Variants in TMEM117 observed in about 807,000 individuals in gnomAD.
The protein encoded by TMEM117 is transmembrane protein 117.
TMEM117 carries 27 observed loss-of-function variants against 52.4 expected under a neutral mutation model. That is an observed-to-expected ratio of 0.51 (90% CI 0.38 to 0.71). The LOEUF (loss-of-function observed/expected upper bound fraction) is 0.71. Among genes scored for constraint, TMEM117 ranks in the 30% least tolerant of loss-of-function variants. The pLI, the probability that TMEM117 is intolerant of heterozygous loss-of-function variation, is 0.00. For synonymous variants in TMEM117, 215 were observed against 206.3 expected, an observed-to-expected ratio of 1.04 and a Z score of -0.36; for missense variants, 556 against 630.5, an observed-to-expected ratio of 0.88 and a Z score of 1.26.
chr12:44,243,445 A>G (rs1372827120), intron 5 of TMEM117, among the ~76,000 whole-genome samples: 1 of 151,932 alleles, frequency 6.6e-6, no homozygotes, highest in Non-Finnish European at 1.5e-5. Context: ...AATTTTAAAT[A>G]AATAATAACT....
chr12:43,912,559 G>A (rs1161126672), intron 2 of TMEM117, among the ~76,000 whole-genome samples: 1 of 139,706 alleles, frequency 7.2e-6, no homozygotes, highest in Admixed American at 6.9e-5. Flanking sequence ...GCTCCATGTG[G>A]GCAGGGATTT....
At chr12:43,913,987 G>T (rs1565748413) in intron 2 of TMEM117, among the ~76,000 whole-genome samples, 1 of 152,070 alleles carries the variant, frequency 6.6e-6, no homozygotes, top group Non-Finnish European at 1.5e-5. Context: ...ATGTTTTTGG[G>T]ATACCAGGTA....
intron 3 of TMEM117, among the ~76,000 whole-genome samples, chr12:44,053,697 A>C (rs2137932574): frequency 6.6e-6 from 1 of 152,304 alleles, no homozygotes; most frequent in African/African-American, 2.4e-5. Flanking sequence ...GTTTGTATGA[A>C]TAATAAAAGA....
intron 3 of TMEM117, among the ~76,000 whole-genome samples, chr12:44,061,752 G>A (rs1345100909): frequency 3.3e-5 from 5 of 152,072 alleles, no homozygotes; most frequent in Non-Finnish European, 5.9e-5. Context: ...GATTTAATTT[G>A]TCATTGTTGT....
At chr12:44,212,539 T>C (rs1292251623) in intron 5 of TMEM117, among the ~76,000 whole-genome samples, 2 of 152,254 alleles carry the variant, frequency 1.3e-5, no homozygotes, top group Non-Finnish European at 2.9e-5. Context: ...ACATATCGTA[T>C]GCTGAGAAAT....
chr12:43,866,726 T>G (rs535652341), intron 2 of TMEM117, among the ~76,000 whole-genome samples: 1 of 152,338 alleles, frequency 6.6e-6, no homozygotes, highest in South Asian at 2.1e-4. Context: ...CAGGAAAGAA[T>G]GCAGAGCATT....
intron 3 of TMEM117, among the ~76,000 whole-genome samples, chr12:44,116,901 C>T (rs1434686464): frequency 1.3e-5 from 2 of 152,182 alleles, no homozygotes; most frequent in Non-Finnish European, 2.9e-5. Flanking sequence ...TCTGCAGTAG[C>T]CTCCTAACTG....
chr12:44,380,029 A>G (rs937995830), intron 7 of TMEM117, among the ~76,000 whole-genome samples: 5 of 152,218 alleles, frequency 3.3e-5, no homozygotes, highest in African/African-American at 1.2e-4. Flanking sequence ...TCTGTCAAGC[A>G]TGGCAAGTGA....
chr12:44,192,165 G>C (rs1425322563), intron 4 of TMEM117, among the ~76,000 whole-genome samples: 1 of 152,106 alleles, frequency 6.6e-6, no homozygotes, highest in Non-Finnish European at 1.5e-5. Context: ...TTGGGATAAA[G>C]GGTGCAGGGT....
At chr12:44,377,852 A>G (rs919554868) in intron 7 of TMEM117, among the ~76,000 whole-genome samples, 3 of 152,214 alleles carry the variant, frequency 2.0e-5, no homozygotes, top group Non-Finnish European at 2.9e-5. Flanking sequence ...CCCAGCTAGG[A>G]GGCTGTTTTT....
At chr12:44,189,838 T>G (rs1949328095) in intron 4 of TMEM117, among the ~76,000 whole-genome samples, 1 of 152,232 alleles carries the variant, frequency 6.6e-6, no homozygotes, top group Admixed American at 6.5e-5. Flanking sequence ...ATACATAGTT[T>G]AAGTCATTTC....
chr12:44,370,162 A>G (rs1951842791), intron 6 of TMEM117, among the ~76,000 whole-genome samples: 1 of 152,200 alleles, frequency 6.6e-6, no homozygotes, highest in Admixed American at 6.5e-5. Flanking sequence ...CTTTGTATTT[A>G]CATGATGACT....
the TMEM117 span, chr12:43,806,177 C>T: frequency 1.3e-6 from 2 of 1,538,388 alleles, no homozygotes; most frequent in Non-Finnish European, 8.7e-7. Context: ...TCTCCCGGCT[C>T]TCCCGGAAGC....
At chr12:44,223,018 CTTT>C (rs58604256) in intron 5 of TMEM117, among the ~76,000 whole-genome samples, 11 of 139,002 alleles carry the variant, frequency 7.9e-5, no homozygotes, top group Non-Finnish European at 7.9e-5. Flanking sequence ...AAAACTTTTC[CTTT>C]TTTTTTTTTT....
At chr12:43,952,413 T>A (rs1208132564) in intron 3 of TMEM117, among the ~76,000 whole-genome samples, 1 of 151,980 alleles carries the variant, frequency 6.6e-6, no homozygotes, top group Non-Finnish European at 1.5e-5. Flanking sequence ...ACAGGAGCTG[T>A]TAACTAGAAT....
intron 3 of TMEM117, among the ~76,000 whole-genome samples, chr12:43,975,188 T>C (rs1279980394): frequency 6.6e-6 from 1 of 152,214 alleles, no homozygotes; most frequent in African/African-American, 2.4e-5. Context: ...ATTGTTCCTC[T>C]TATTAGTCTC....
rs528676837 is a variant in TMEM117, at chr12:44,052,034, T to C, written c.411-91491T>C. On this transcript the variant is annotated intron_variant, in intron 3 of 7. Transcript: ENST00000266534. ...GCTATTTCATTTCTTTAAGTTTTAG[T>C]TTTCTTATCAAATACAAAGATGATA... Among the ~76,000 whole-genome samples, 12 of 152,334 alleles carry C rather than the reference T, an allele frequency of 7.9e-5. 1 individual carries two copies. Among genetic ancestry groups the C allele is most frequent in the African/African-American group, 2.4e-4 (10 of 41,578 alleles).
intron 2 of TMEM117, among the ~76,000 whole-genome samples, chr12:43,857,911 A>G (rs1451375017): frequency 6.6e-6 from 1 of 152,194 alleles, no homozygotes; most frequent in Non-Finnish European, 1.5e-5. Context: ...GGTGGGAGGA[A>G]GTAGGCGAAT....
chr12:43,812,568 G>T, the TMEM117 span, among the ~76,000 whole-genome samples: 1 of 152,174 alleles, frequency 6.6e-6, no homozygotes, highest in South Asian at 2.1e-4. Context: ...CAATTATCAG[G>T]TTAGCAAAGG....
Sources: allele counts gnomAD v4.1 joint callset (sites outside exome capture counted in the v4.1 genomes callset), GRCh38; gene constraint gnomAD v4.1.1; transcripts MANE v1.5; gene names NCBI Gene and HGNC (gene_info 2026-07-23, HGNC 2026-07-21).